ZNHIT6: variants seen among roughly 807,000 people sequenced by gnomAD.
ZNHIT6 encodes the protein zinc finger HIT-type containing 6.
ZNHIT6 carries 45 observed loss-of-function variants against 57.2 expected under a neutral mutation model. The ratio of observed to expected loss-of-function variants is 0.79; its 90% CI spans 0.62 to 1.01. The LOEUF (loss-of-function observed/expected upper bound fraction) is 1.01. Ranked by LOEUF, ZNHIT6 falls within the 50% of genes least tolerant of loss-of-function variation. ZNHIT6 has a pLI of 0.00. For synonymous variants in ZNHIT6, 188 were observed against 190.0 expected (o/e 0.99, Z 0.09); for missense variants, 528 against 567.3 (o/e 0.93, Z 0.70).
At chr1:85,672,218 G>A (rs1661574872) in intron 8 of ZNHIT6, among the ~76,000 whole-genome samples, 2 of 151,988 alleles carry the variant, frequency 1.3e-5, no homozygotes, top group African/African-American at 2.4e-5. Flanking sequence ...AATCATGCCA[G>A]AAACTGTAGT....
At chr1:85,703,062 T>C (rs1662581616) in intron 4 of ZNHIT6, among the ~76,000 whole-genome samples, 1 of 152,196 alleles carries the variant, frequency 6.6e-6, no homozygotes, top group Non-Finnish European at 1.5e-5. Context: ...AGTAGGAAAC[T>C]GTTTTAAGAA....
At chr1:85,695,808 G>A (rs986527767) in intron 5 of ZNHIT6, among the ~76,000 whole-genome samples, 2 of 152,206 alleles carry the variant, frequency 1.3e-5, no homozygotes, top group Non-Finnish European at 2.9e-5. Flanking sequence ...AGGCCGAGGC[G>A]GGCGGATCAC....
intron 7 of ZNHIT6, 105 bp downstream of exon 7, chr1:85,678,592 TAGAA>T: frequency 1.4e-6 from 1 of 729,622 alleles, no homozygotes; most frequent in Non-Finnish European, 2.3e-6. Context: ...GAAAATGTGA[TAGAA>T]AGTAAATTGT....
chr1:85,677,201 A>G, intron 8 of ZNHIT6, 35 bp downstream of exon 8: 1 of 1,516,760 alleles, frequency 6.6e-7, no homozygotes, highest in Non-Finnish European at 8.9e-7. Context: ...AGAACTAAAA[A>G]ATATTTAAAG....
chr1:85,671,957 T>A (rs954437120), intron 8 of ZNHIT6, among the ~76,000 whole-genome samples: 6 of 152,150 alleles, frequency 3.9e-5, no homozygotes, highest in Admixed American at 3.9e-4. Flanking sequence ...ATGGTGAAAC[T>A]TTTGGTCTAA....
Position 85,707,991 on chromosome 1 carries a change from T to A in ZNHIT6, c.294A>T (p.Glu98Asp). Reference protein sequence around the residue: ...TEGRLAGQWVEQEVEDRPEVK... With the variant: ...TEGRLAGQWVDQEVEDRPEVK... ...CCTCAGGCCTATCCTCCACCTCCTG[T>A]TCTACCCACTGGCCAGCCAACCTGC... The change falls in exon 1 of 10, where the codon GAA (glutamate) becomes GAT (aspartate). Residue 98 changes from glutamate to aspartate, a missense_variant. Physicochemically the swap from Glu to Asp is conservative, Grantham distance 45 (BLOSUM62 2). Transcript: ENST00000370574. The A allele has an allele frequency of 1.2e-6, 2 of 1,614,112 alleles. No homozygotes were observed. Among genetic ancestry groups the A allele is most frequent in the Non-Finnish European group, 1.7e-6 (2 of 1,180,016 alleles).
Position 85,677,289 on chromosome 1 carries a change from C to T in ZNHIT6, c.1194G>A (p.Gln398=). ...TCTTCATTAAAATCTGAACCCCAGT[C>T]TGAGAGCGAATGTAGGCTTTCAACC... is the stretch of plus-strand genomic sequence containing the variant. The part of the protein sequence containing the change: ...RQRLKAYIRS[Q]TGVQILMKIE... Residue 398 remains glutamine (Q), a synonymous_variant, in exon 8 of 10, where the codon CAG becomes CAA. Coordinates refer to ENST00000370574, the MANE Select transcript of ZNHIT6 (RefSeq NM_017953.4). 6.2e-7 allele frequency: 1 copy of T among 1,608,568 alleles called. No individual in the cohort carries two copies. Among genetic ancestry groups the T allele is most frequent in the Non-Finnish European group, 8.5e-7 (1 of 1,178,394 alleles).
intron 8 of ZNHIT6, among the ~76,000 whole-genome samples, chr1:85,659,126 A>G (rs2100647785): frequency 6.6e-6 from 1 of 152,326 alleles, no homozygotes; most frequent in Non-Finnish European, 1.5e-5. Context: ...TTTAAGAAAT[A>G]CAGAGTTTAT....
chr1:85,672,786 C>T (rs1264336070), intron 8 of ZNHIT6, among the ~76,000 whole-genome samples: 1 of 115,726 alleles, frequency 8.6e-6, no homozygotes, highest in Non-Finnish European at 1.9e-5. Context: ...CCTATAACTG[C>T]TTAAATCACA....
intron 5 of ZNHIT6, among the ~76,000 whole-genome samples, chr1:85,682,745 A>C (rs1370573945): frequency 6.6e-6 from 1 of 152,248 alleles, no homozygotes; most frequent in Non-Finnish European, 1.5e-5. Flanking sequence ...GAAAAACAGA[A>C]TAATGTAAAG....
rs1306318872 is a variant in ZNHIT6, at chr1:85,651,316, C to T, written c.*2742G>A. 3.9e-5 allele frequency: 6 copies of T among 152,152 alleles called. No homozygotes were observed. The highest frequency in any genetic ancestry group is 1.4e-4 in the African/African-American group (6 of 41,516). The allele number at this position is 152,152 out of a possible 1,614,324, so 9.4% of individuals were successfully genotyped here. A position where few individuals can be genotyped will look rare whatever the true frequency, so the allele number is the denominator to read the frequency against. On this transcript the variant is annotated 3_prime_UTR_variant, in exon 10 of 10. Coordinates refer to ENST00000370574, the MANE Select transcript of ZNHIT6 (RefSeq NM_017953.4). ...GCAGTGGAACAATCTCAGCTCACTGCAAACTCTGCCACCAGGGTTCAAGTG... is the reference window on the plus strand; with the variant it reads ...GCAGTGGAACAATCTCAGCTCACTGTAAACTCTGCCACCAGGGTTCAAGTG...
At chr1:85,703,923 A>G (rs528391725) in intron 4 of ZNHIT6, among the ~76,000 whole-genome samples, 11 of 152,288 alleles carry the variant, frequency 7.2e-5, no homozygotes, top group African/African-American at 2.6e-4. Context: ...CTCACAAACC[A>G]GTAAGAAAAA....
chr1:85,696,055 A>G (rs1480027977), intron 5 of ZNHIT6, among the ~76,000 whole-genome samples: 1 of 152,168 alleles, frequency 6.6e-6, no homozygotes, highest in Non-Finnish European at 1.5e-5. Flanking sequence ...AAAAAACAGC[A>G]TGGTTCATCT....
At chr1:85,697,166 G>C (rs939397849) in intron 5 of ZNHIT6, among the ~76,000 whole-genome samples, 2 of 151,942 alleles carry the variant, frequency 1.3e-5, no homozygotes, top group South Asian at 2.1e-4. Context: ...CACCGTGCCC[G>C]GCCAACCATC....
intron 8 of ZNHIT6, among the ~76,000 whole-genome samples, chr1:85,676,126 C>T (rs529622237): frequency 1.4e-4 from 21 of 152,012 alleles, no homozygotes; most frequent in African/African-American, 4.1e-4. Flanking sequence ...CACCTGAGGT[C>T]GGGAGTTTGA....
chr1:85,693,022 A>T (rs1662261923), intron 5 of ZNHIT6, among the ~76,000 whole-genome samples: 1 of 152,194 alleles, frequency 6.6e-6, no homozygotes, highest in Non-Finnish European at 1.5e-5. Context: ...ACAGACACAC[A>T]AACACAGAGC....
Position 85,708,329 on chromosome 1 carries a change from T to G in ZNHIT6, c.-45A>C. 2 of 1,547,844 alleles carry G rather than the reference T, an allele frequency of 1.3e-6. No homozygotes were observed. The highest frequency in any genetic ancestry group is 1.4e-5 in the African/African-American group (1 of 73,928). The stretch of plus-strand genomic sequence containing the variant: ...TCTGCTGCCACTCTATCCTTCAATG[T>G]GGCTGCTGCACACCAATAGGAGGAA... On this transcript the variant is annotated 5_prime_UTR_variant, in exon 1 of 10. Coordinates refer to ENST00000370574, the MANE Select transcript of ZNHIT6 (RefSeq NM_017953.4).
intron 8 of ZNHIT6, among the ~76,000 whole-genome samples, chr1:85,672,561 C>G (rs1661588249): frequency 6.6e-6 from 1 of 152,104 alleles, no homozygotes; most frequent in Non-Finnish European, 1.5e-5. Flanking sequence ...ACTTCCACAA[C>G]AAAGCCTTCT....
chr1:85,677,166 T>C, intron 8 of ZNHIT6, 70 bp downstream of exon 8: 1 of 1,148,998 alleles, frequency 8.7e-7, no homozygotes, highest in Non-Finnish European at 1.2e-6. Flanking sequence ...TAACTTGAGC[T>C]AATCAAGCTA....
Sources: allele counts gnomAD v4.1 joint callset (sites outside exome capture counted in the v4.1 genomes callset), GRCh38; gene constraint gnomAD v4.1.1; transcripts MANE v1.5; gene names NCBI Gene and HGNC (gene_info 2026-07-23, HGNC 2026-07-21).